CLCN1: variants seen among roughly 807,000 people sequenced by gnomAD.
CLCN1 encodes chloride voltage-gated channel 1.
CLCN1 carries 100 observed loss-of-function variants against 114.5 expected under a neutral mutation model. The observed-to-expected ratio is 0.87, with a 90% confidence interval of 0.74 to 1.03. CLCN1 has a LOEUF of 1.03. Ranked by LOEUF, CLCN1 falls within the 50% of genes least tolerant of loss-of-function variation. The pLI, the probability that CLCN1 is intolerant of heterozygous loss-of-function variation, is 0.00. For missense variants in CLCN1, 1,188 were observed against 1,250.0 expected (o/e 0.95, Z 0.75); for synonymous variants, 485 against 487.1 (o/e 1.00, Z 0.06).
intron 12 of CLCN1, among the ~76,000 whole-genome samples, chr7:143,338,737 A>G (rs570833483): frequency 5.3e-5 from 8 of 151,534 alleles, no homozygotes; most frequent in African/African-American, 1.7e-4. Flanking sequence ...CAGTGAGCCA[A>G]GATCATGGTA....
At chr7:143,326,921 T>C (rs1049064563) in intron 7 of CLCN1, among the ~76,000 whole-genome samples, 5 of 152,078 alleles carry the variant, frequency 3.3e-5, no homozygotes, top group Non-Finnish European at 7.3e-5. Flanking sequence ...AGTTGGAAAA[T>C]GCTTGGTTAA....
Position 143,342,044 on chromosome 7 carries a change from C to T in CLCN1, c.1698C>T (p.Ala566=), listed in dbSNP as rs759917633. 6.2e-6 allele frequency: 10 copies of T among 1,614,024 alleles called. No homozygotes were observed. The highest frequency in any genetic ancestry group is 7.6e-6 in the Non-Finnish European group (9 of 1,180,032). ...CCATGATGGTGGCTGTTATCTTGGC[C>T]AACATGGTGGCCCAGAGCCTGCAGC... ...ILPMMVAVIL[A]NMVAQSLQPS... Residue 566 remains alanine (A), a synonymous_variant, in exon 15 of 23, where the codon GCC becomes GCT. Transcript: ENST00000343257.
intron 11 of CLCN1, 78 bp from the exon 12 acceptor site, chr7:143,332,646 C>T: frequency 6.3e-7 from 1 of 1,576,658 alleles, no homozygotes; most frequent in East Asian, 2.2e-5. Context: ...AATAATGAGG[C>T]TGGGGAATAA....
chr7:143,349,018 C>T (rs1239558823), intron 20 of CLCN1, among the ~76,000 whole-genome samples: 7 of 152,094 alleles, frequency 4.6e-5, no homozygotes, highest in South Asian at 2.1e-4. Flanking sequence ...TGAGCTAAGA[C>T]GGGTAAGTCA....
rs2116396569 is a variant in CLCN1, at chr7:143,350,365, C to A, written c.2404-7C>A. On this transcript the variant is annotated splice_polypyrimidine_tract_variant and splice_region_variant and intron_variant, in intron 20 of 22. Coordinates refer to ENST00000343257, the MANE Select transcript of CLCN1 (RefSeq NM_000083.3). The surrounding 1 kb of genome is among the most constrained non-coding windows in gnomAD (Gnocchi z 5.1). ...GATTTTCGTGACTTTCCTCCTCTGG[C>A]TGACAGATTGAGGCCTGGGAGCAGG... 6.2e-7 allele frequency: 1 copy of A among 1,612,366 alleles called. No homozygotes were observed. The highest frequency in any genetic ancestry group is 2.2e-5 in the East Asian group (1 of 44,864).
At chr7:143,346,548 TC>T (rs1250179770) in intron 18 of CLCN1, 30 bp from the exon 19 acceptor site, 26 of 1,557,850 alleles carry the variant, frequency 1.7e-5, no homozygotes, top group Non-Finnish European at 2.3e-5. Flanking sequence ...TTGCTTTGTG[TC>T]CATTTCCATC....
intron 1 of CLCN1, among the ~76,000 whole-genome samples, chr7:143,319,075 G>A (rs912714203): frequency 1.6e-4 from 24 of 152,170 alleles, no homozygotes; most frequent in Admixed American, 1.2e-3. Context: ...GGATGGAAGC[G>A]GAGGGCCACC....
chr7:143,320,016 T>TGAGACC, intron 2 of CLCN1, 141 bp downstream of exon 2: 1 of 864,584 alleles, frequency 1.2e-6, no homozygotes, highest in Non-Finnish European at 1.9e-6. Flanking sequence ...AGAGACAGGG[T>TGAGACC]CTCACTCTGT....
chr7:143,341,030 T>A (rs1336377617), intron 14 of CLCN1, among the ~76,000 whole-genome samples: 1 of 152,194 alleles, frequency 6.6e-6, no homozygotes, highest in Admixed American at 6.5e-5. Context: ...TACAAGCGCC[T>A]TAGAAATCAT....
At chr7:143,336,659 G>GAAAC in intron 12 of CLCN1, among the ~76,000 whole-genome samples, 1 of 33,900 alleles carries the variant, frequency 2.9e-5, no homozygotes, top group Non-Finnish European at 5.4e-5. Context: ...GGAAGGAAGG[G>GAAAC]AAAGAAAGAA....
chr7:143,323,742 C>G (rs898530996), intron 6 of CLCN1: 1 of 495,568 alleles, frequency 2.0e-6, no homozygotes, highest in African/African-American at 2.0e-5. Flanking sequence ...AGCTCCCAAT[C>G]CCTCACCCTA....
At position 143,332,283 on chromosome 7, in the gene CLCN1, T is replaced by C; in HGVS notation, c.1167-136T>C. ...GCACTCGGCCTCAAATATTGGTTTT[T>C]TGTGTGAAGAGAATCTTTTTCATTT... is the stretch of plus-strand genomic sequence containing the variant. On this transcript the variant is annotated intron_variant, in intron 10 of 22. Coordinates refer to ENST00000343257, the MANE Select transcript of CLCN1 (RefSeq NM_000083.3). The C allele has an allele frequency of 9.9e-6, 8 of 806,206 alleles. No individual in the cohort carries two copies. The South Asian group carries it at 1.1e-4, about 11-fold the overall frequency. The allele number at this position is 806,206 out of a possible 1,614,324, so 49.9% of individuals were successfully genotyped here.
At chr7:143,322,853 G>A (rs959521731) in intron 5 of CLCN1, among the ~76,000 whole-genome samples, 5 of 152,242 alleles carry the variant, frequency 3.3e-5, no homozygotes, top group South Asian at 2.1e-4. Context: ...CTTCGAGACC[G>A]TGGACTCTGG....
chr7:143,341,590 TAA>T (rs1390235599), intron 14 of CLCN1, among the ~76,000 whole-genome samples: 2 of 149,404 alleles, frequency 1.3e-5, no homozygotes, highest in African/African-American at 4.9e-5. Flanking sequence ...ATAATAATAA[TAA>T]TAATTTTAAA....
Position 143,339,317 on chromosome 7 carries a change from T to C in CLCN1, c.1466T>C (p.Val489Ala), listed in dbSNP as rs768660807. 2 of 1,612,096 alleles carry C rather than the reference T, an allele frequency of 1.2e-6. No homozygotes were observed. Among genetic ancestry groups the C allele is most frequent in the Non-Finnish European group, 1.7e-6 (2 of 1,178,128 alleles). Residue 489 changes from valine to alanine, a missense_variant, in exon 13 of 23, where the codon GTG (valine) becomes GCG (alanine). By Grantham distance (64) the Val-to-Ala change is moderately conservative. Transcript: ENST00000343257. This position sits in a 1 kb window ranked among gnomAD's most constrained non-coding sequence, Gnocchi z 4.1. ...TGCGGAGGCTTCATGCCTGTGTTTG[T>C]GCTAGGTAAGTTCTGATGGGAAGCC... The part of the protein sequence containing the change: ...IPCGGFMPVF[V>A]LGAAFGRLVG...
chr7:143,346,189 C>T lies in CLCN1; in HGVS notation c.2222C>T (p.Pro741Leu). 3 of 1,613,806 alleles carry T rather than the reference C, an allele frequency of 1.9e-6. No homozygotes were observed. The highest frequency in any genetic ancestry group is 1.6e-4 in the Middle Eastern group (1 of 6,062). Residue 741 changes from proline (P) to leucine (L), a missense_variant, in exon 18 of 23, where the codon CCA becomes CTA. Transcript: ENST00000343257. ...LHPSTTAPLS[P>L]EEPNGPLPGH... Reference sequence around the variant, plus strand: ...CCCTCTACTACTGCCCCTCTGTCCCCAGAAGAGCCCAATGGGCCTCTGCCT... The same window carrying T: ...CCCTCTACTACTGCCCCTCTGTCCCTAGAAGAGCCCAATGGGCCTCTGCCT...
rs1432254231 is a variant in CLCN1 at position 143,318,364 on chromosome 7, A to G, written c.181-1391A>G. 3.3e-5 allele frequency among the ~76,000 whole-genome samples: 5 copies of G among 152,154 alleles called. No individual in the cohort carries two copies. The East Asian group carries it at 9.7e-4, about 29-fold the overall frequency. ...CCGCCTCCCAGGTAGCTGAGATTAC[A>G]GGCATGCGCCACCATGCCTGGCTAA... is the stretch of plus-strand genomic sequence containing the variant. On this transcript the variant is annotated intron_variant, in intron 1 of 22. Coordinates refer to ENST00000343257, the MANE Select transcript of CLCN1 (RefSeq NM_000083.3).
At chr7:143,317,870 C>A (rs973210632) in intron 1 of CLCN1, among the ~76,000 whole-genome samples, 2 of 152,040 alleles carry the variant, frequency 1.3e-5, no homozygotes, top group African/African-American at 4.8e-5. Flanking sequence ...GACCCCTCCC[C>A]CTGGCCCTGT....
In CLCN1 at chr7:143,321,923, C is replaced by A; in HGVS notation, c.696+75C>A. ...AGGGTGGCACCAACTCTAGAGGGAG[C>A]TCTGGGAGTGGAAGTGGATCAGGGG... On this transcript the variant is annotated intron_variant, in intron 5 of 22. Transcript: ENST00000343257. The surrounding 1 kb of genome is among the most constrained non-coding windows in gnomAD (Gnocchi z 4.2). 6.5e-7 allele frequency: 1 copy of A among 1,536,140 alleles called. No homozygotes were observed. Among genetic ancestry groups the A allele is most frequent in the South Asian group, 1.2e-5 (1 of 85,978 alleles).
Sources: gnomAD v4.1 joint callset for allele counts (sites outside exome capture counted in the v4.1 genomes callset) on GRCh38, gnomAD v4.1.1 for gene constraint, Gnocchi (gnomAD v3.1) non-coding constraint, MANE v1.5 for transcripts, NCBI Gene and HGNC (gene_info 2026-07-23, HGNC 2026-07-21) for gene names.